ASTN2: variants seen among roughly 807,000 people sequenced by gnomAD.
ASTN2 encodes the protein astrotactin-2.
ASTN2 carries 54 observed loss-of-function variants against 139.8 expected under a neutral mutation model. The ratio of observed to expected loss-of-function variants is 0.39; its 90% CI spans 0.31 to 0.48. The LOEUF (loss-of-function observed/expected upper bound fraction) is 0.48. Among genes scored for constraint, ASTN2 ranks in the 20% least tolerant of loss-of-function variants. The pLI is 0.95. For missense variants in ASTN2, 1,565 were observed against 1,725.1 expected (o/e 0.91, Z 1.64); for synonymous variants, 756 against 719.5 (o/e 1.05, Z -0.81).
intron 10 of ASTN2, among the ~76,000 whole-genome samples, chr9:116,883,653 T>G (rs1307275449): frequency 2.0e-5 from 3 of 152,162 alleles, no homozygotes; most frequent in Non-Finnish European, 4.4e-5. Context: ...CTAAGTGGCA[T>G]GGAGGTTGCA....
At chr9:116,715,368 T>C (rs945404212) in intron 16 of ASTN2, among the ~76,000 whole-genome samples, 3 of 152,280 alleles carry the variant, frequency 2.0e-5, no homozygotes, top group Non-Finnish European at 2.9e-5. Context: ...GGTACTATAT[T>C]GCTCCTAACT....
intron 1 of ASTN2, among the ~76,000 whole-genome samples, chr9:117,409,358 G>T (rs1206501757): frequency 6.6e-6 from 1 of 152,154 alleles, no homozygotes; most frequent in Non-Finnish European, 1.5e-5. Flanking sequence ...AGCACTCATT[G>T]TCCACCTTTA....
At chr9:116,593,938 A>G (rs1462798741) in intron 19 of ASTN2, among the ~76,000 whole-genome samples, 2 of 152,178 alleles carry the variant, frequency 1.3e-5, no homozygotes, top group Non-Finnish European at 2.9e-5. Flanking sequence ...CCTCAATTGC[A>G]ATGGACAGTT....
intron 2 of ASTN2, among the ~76,000 whole-genome samples, chr9:117,246,146 CA>C (rs1013777073): frequency 3.9e-4 from 33 of 83,562 alleles, no homozygotes; most frequent in Non-Finnish European, 7.4e-4. Flanking sequence ...TGAAAACAAA[CA>C]AAAAAAAGCC....
intron 5 of ASTN2, among the ~76,000 whole-genome samples, chr9:117,070,212 C>G (rs1828077093): frequency 7.6e-6 from 1 of 131,932 alleles, no homozygotes; most frequent in Admixed American, 7.9e-5. Context: ...CTGGTGGTGA[C>G]AAAATCTCTC....
intron 5 of ASTN2, among the ~76,000 whole-genome samples, chr9:117,061,036 T>C (rs1839274623): frequency 6.6e-6 from 1 of 152,142 alleles, no homozygotes; most frequent in Admixed American, 6.5e-5. Context: ...TACCACTGGG[T>C]TGGAATCATG....
intron 4 of ASTN2, among the ~76,000 whole-genome samples, chr9:117,102,811 C>T (rs368121852): frequency 2.6e-5 from 4 of 151,990 alleles, no homozygotes; most frequent in African/African-American, 7.3e-5. Flanking sequence ...CGTGAGTAAC[C>T]GTGCCTGGCC....
chr9:116,640,446 T>C (rs974801049), intron 17 of ASTN2, among the ~76,000 whole-genome samples: 4 of 151,950 alleles, frequency 2.6e-5, no homozygotes, highest in Non-Finnish European at 5.9e-5. Context: ...ACAAGGAGGA[T>C]CTTATCAAAT....
At chr9:117,100,400 C>T (rs897387474) in intron 4 of ASTN2, among the ~76,000 whole-genome samples, 1 of 152,022 alleles carries the variant, frequency 6.6e-6, no homozygotes, top group African/African-American at 2.4e-5. Context: ...TTCAGTAGCC[C>T]CATTAAAAGG....
intron 7 of ASTN2, among the ~76,000 whole-genome samples, chr9:117,002,144 T>A (rs990180483): frequency 2.0e-5 from 3 of 152,144 alleles, no homozygotes; most frequent in Non-Finnish European, 2.9e-5. Context: ...GGCATTGCGG[T>A]GGAAAGAATA....
At position 116,976,774 on chromosome 9, in the gene ASTN2, A is replaced by G; in HGVS notation, c.1603T>C (p.Cys535Arg). The change falls in exon 8 of 23, where the codon TGT (cysteine) becomes CGT (arginine). Residue 535 changes from cysteine to arginine, a missense_variant. Around this residue, in one of 4 missense-constraint regions of ASTN2, gnomAD observed 503 missense variants for 591.7 expected, o/e 0.85. Transcript: ENST00000313400. Reference protein sequence around the residue: ...LCDPETGECSCHEGYAPDPVH... With the variant: ...LCDPETGECSRHEGYAPDPVH... ...GGGTCAGGGGCATAGCCTTCATGACAGCTGCACTCTCCTGTAAGTGAAAAG... is the reference window on the plus strand; with the variant it reads ...GGGTCAGGGGCATAGCCTTCATGACGGCTGCACTCTCCTGTAAGTGAAAAG... 6.2e-7 allele frequency: 1 copy of G among 1,614,034 alleles called. No individual in the cohort carries two copies. Among genetic ancestry groups the G allele is most frequent in the Non-Finnish European group, 8.5e-7 (1 of 1,179,916 alleles).
chr9:116,467,758 A>G (rs1056394985), intron 20 of ASTN2, among the ~76,000 whole-genome samples: 2 of 152,266 alleles, frequency 1.3e-5, no homozygotes, highest in African/African-American at 4.8e-5. Flanking sequence ...TGATGATTAA[A>G]CAAGATAATG....
At chr9:117,261,964 A>T (rs578022859) in intron 2 of ASTN2, among the ~76,000 whole-genome samples, 7 of 152,310 alleles carry the variant, frequency 4.6e-5, no homozygotes, top group Non-Finnish European at 8.8e-5. Flanking sequence ...AACTATACTT[A>T]TTGGGCAAGG....
At chr9:116,536,006 G>A (rs1355486152) in intron 19 of ASTN2, among the ~76,000 whole-genome samples, 6 of 152,068 alleles carry the variant, frequency 3.9e-5, no homozygotes, top group Admixed American at 2.6e-4. Flanking sequence ...TCAGATGTAG[G>A]TTTGGTCTGT....
At chr9:117,001,260 G>A (rs994801981) in intron 7 of ASTN2, among the ~76,000 whole-genome samples, 1 of 152,164 alleles carries the variant, frequency 6.6e-6, no homozygotes, top group Non-Finnish European at 1.5e-5. Flanking sequence ...TCACAAAGGA[G>A]AGACTTCTTT....
At chr9:116,897,647 G>C (rs1314877651) in intron 10 of ASTN2, among the ~76,000 whole-genome samples, 1 of 151,902 alleles carries the variant, frequency 6.6e-6, no homozygotes, top group African/African-American at 2.4e-5. Context: ...ATGTTCTCCT[G>C]CACTTAAAAG....
At chr9:117,089,048 G>A (rs750885985) in intron 5 of ASTN2, among the ~76,000 whole-genome samples, 19 of 152,170 alleles carry the variant, frequency 1.2e-4, no homozygotes, top group Non-Finnish European at 1.6e-4. Context: ...CTTGCCTCCG[G>A]AGACTGTAAC....
intron 19 of ASTN2, among the ~76,000 whole-genome samples, chr9:116,608,953 C>T (rs916828376): frequency 4.6e-5 from 7 of 151,900 alleles, no homozygotes; most frequent in African/African-American, 7.3e-5. Context: ...ATGTCCAAGA[C>T]GAAAAATAAT....
chr9:116,618,362 T>C lies in ASTN2; in HGVS notation c.3317A>G (p.Lys1106Arg). Residue 1106 changes from lysine to arginine, a missense_variant, in exon 19 of 23, where the codon AAG becomes AGG. Transcript: ENST00000313400. The stretch of plus-strand genomic sequence containing the variant: ...AGTGTCTGTGTATTCATCCACTTTC[T>C]TATGCTGCAGAATATAGTCGGAGAC... ...TKVSDYILQH[K>R]KVDEYTDTDL... 1 of 1,614,174 alleles carries C rather than the reference T, an allele frequency of 6.2e-7. No homozygotes were observed. Among genetic ancestry groups the C allele is most frequent in the Non-Finnish European group, 8.5e-7 (1 of 1,179,994 alleles).
Sources: gnomAD v4.1 joint callset for allele counts (sites outside exome capture counted in the v4.1 genomes callset) on GRCh38, gnomAD v4.1.1 for gene constraint, gnomAD v4.1.1 regional missense constraint, MANE v1.5 for transcripts, NCBI Gene and HGNC (gene_info 2026-07-23, HGNC 2026-07-21) for gene names.